The following DSCAM variants were observed in gnomAD, a reference collection of about 807,000 sequenced individuals.
DSCAM encodes cell adhesion molecule DSCAM.
DSCAM carries 47 observed loss-of-function variants against 217.7 expected under a neutral mutation model. The observed-to-expected ratio is 0.22, with a 90% CI of 0.17 to 0.28. DSCAM has a LOEUF of 0.28. Among genes scored for constraint, DSCAM ranks in the 10% least tolerant of loss-of-function variants. The pLI is 1.00. For synonymous variants in DSCAM, 1,056 were observed against 1,015.3 expected (o/e 1.04, Z -0.76); for missense variants, 2,080 against 2,618.3 (o/e 0.79, Z 4.49).
intron 1 of DSCAM, among the ~76,000 whole-genome samples, chr21:40,801,547 C>T (rs948133978): frequency 6.6e-6 from 1 of 152,124 alleles, no homozygotes. Context: ...GCCCAGAGGC[C>T]TAAGATGGCA....
rs1269746070 is a variant in DSCAM, at chr21:40,726,958, G to A, written c.44-18187C>T. 5.9e-5 allele frequency among the ~76,000 whole-genome samples: 9 copies of A among 152,218 alleles called. No homozygotes were observed. The East Asian group carries it at 1.7e-3, about 29-fold the overall frequency. ...TGGCATACCCAGCCCCCTCTTCTCT[G>A]AGTCCCCATCAGCAAAAAGACCCTC... On this transcript the variant is annotated intron_variant, in intron 1 of 32. Coordinates refer to ENST00000400454, the MANE Select transcript of DSCAM (RefSeq NM_001389.5).
At chr21:40,557,697 G>A (rs1303379778) in intron 3 of DSCAM, among the ~76,000 whole-genome samples, 1 of 152,110 alleles carries the variant, frequency 6.6e-6, no homozygotes, top group African/African-American at 2.4e-5. Context: ...TTTTTGTCAT[G>A]AGTGGAAGCA....
At chr21:40,781,944 C>A (rs1160310820) in intron 1 of DSCAM, among the ~76,000 whole-genome samples, 1 of 131,496 alleles carries the variant, frequency 7.6e-6, no homozygotes, top group Non-Finnish European at 1.5e-5. Flanking sequence ...GTCAAGAGAT[C>A]GAGACCATCC....
chr21:40,143,541 C>T (rs565506412), intron 17 of DSCAM, among the ~76,000 whole-genome samples: 41 of 152,324 alleles, frequency 2.7e-4, no homozygotes, highest in Middle Eastern at 3.4e-3. Flanking sequence ...CCTCTAATCC[C>T]AGCACTTTTG....
rs2076060771 is a variant in DSCAM, at chr21:40,489,785, A to AAAAAT, written c.509-120541_509-120540insATTTT. ...GCGAGACTCCGTCTCAAAAAAAAAA[A>AAAAAT]AAAAAAAAAAAAAAAATAAGTACCA... On this transcript the variant is annotated intron_variant, in intron 3 of 32. Transcript: ENST00000400454. Among the ~76,000 whole-genome samples, 12 of 150,162 alleles carry AAAAAT rather than the reference A, an allele frequency of 8.0e-5. 1 individual carries two copies. The highest frequency in any genetic ancestry group is 6.6e-4 in the Admixed American group (10 of 15,092).
chr21:40,784,166 A>G (rs959249146), intron 1 of DSCAM, among the ~76,000 whole-genome samples: 3 of 152,064 alleles, frequency 2.0e-5, no homozygotes, highest in African/African-American at 7.2e-5. Context: ...GTCCCCACCC[A>G]AATCTCACCT....
At chr21:40,439,232 A>C (rs2075610155) in intron 3 of DSCAM, among the ~76,000 whole-genome samples, 1 of 152,222 alleles carries the variant, frequency 6.6e-6, no homozygotes, top group South Asian at 2.1e-4. Flanking sequence ...TGCAAATAGT[A>C]CTCAATAAAT....
At chr21:40,116,977 G>A (rs2089978462) in intron 20 of DSCAM, among the ~76,000 whole-genome samples, 2 of 138,704 alleles carry the variant, frequency 1.4e-5, no homozygotes, top group Admixed American at 1.5e-4. Context: ...ACTCCAGCCT[G>A]GGTGACAGAG....
intron 3 of DSCAM, among the ~76,000 whole-genome samples, chr21:40,691,361 T>C (rs1036589550): frequency 1.3e-5 from 2 of 152,196 alleles, no homozygotes; most frequent in African/African-American, 2.4e-5. Context: ...CTATCCTAGG[T>C]CACCGAGTCC....
intron 3 of DSCAM, among the ~76,000 whole-genome samples, chr21:40,464,616 T>C (rs79989101): frequency 0.076 from 11,616 of 152,234 alleles, 879 homozygotes; most frequent in African/African-American, 0.18. Context: ...AGCCCACTTT[T>C]AAAATATATC....
intron 16 of DSCAM, among the ~76,000 whole-genome samples, chr21:40,159,117 G>A (rs764521928): frequency 5.9e-5 from 9 of 152,100 alleles, no homozygotes; most frequent in African/African-American, 1.9e-4. Context: ...AACCAACTTC[G>A]TCCAGCCGAG....
intron 8 of DSCAM, among the ~76,000 whole-genome samples, chr21:40,330,065 AT>A (rs1569066809): frequency 6.6e-6 from 1 of 152,020 alleles, no homozygotes. Context: ...CCTATATGTT[AT>A]TTGATCAGAT....
intron 3 of DSCAM, among the ~76,000 whole-genome samples, chr21:40,682,645 A>G (rs2090417453): frequency 1.8e-5 from 1 of 56,554 alleles, no homozygotes; most frequent in Non-Finnish European, 3.7e-5. Context: ...AAGAAAGAGG[A>G]AGGGAAGGGA....
chr21:40,305,596 C>A (rs895041748), intron 9 of DSCAM, among the ~76,000 whole-genome samples: 1 of 152,028 alleles, frequency 6.6e-6, no homozygotes, highest in African/African-American at 2.4e-5. Flanking sequence ...AGTCTTTAAT[C>A]CATCTTGAAT....
intron 3 of DSCAM, among the ~76,000 whole-genome samples, chr21:40,480,674 AG>A (rs1350308233): frequency 1.3e-5 from 2 of 152,316 alleles, no homozygotes; most frequent in East Asian, 3.9e-4. Context: ...TGTGAATGTA[AG>A]GCCTCGTGCT....
At chr21:40,032,588 C>A (rs77740720) in intron 32 of DSCAM, among the ~76,000 whole-genome samples, 1 of 152,046 alleles carries the variant, frequency 6.6e-6, no homozygotes, top group Non-Finnish European at 1.5e-5. Context: ...AAGAGAGATT[C>A]TTTTACTAGT....
At chr21:40,790,740 A>G (rs548623433) in intron 1 of DSCAM, among the ~76,000 whole-genome samples, 117 of 152,382 alleles carry the variant, frequency 7.7e-4, no homozygotes, top group African/African-American at 2.6e-3. Flanking sequence ...TATAGCATAC[A>G]GCACAAAAAA....
At chr21:40,617,191 T>C (rs1186971043) in intron 3 of DSCAM, among the ~76,000 whole-genome samples, 2 of 135,832 alleles carry the variant, frequency 1.5e-5, no homozygotes. Context: ...TGGTGCAATC[T>C]CGGCTCACTG....
intron 3 of DSCAM, among the ~76,000 whole-genome samples, chr21:40,531,736 A>G (rs977445093): frequency 5.3e-5 from 8 of 152,180 alleles, no homozygotes; most frequent in African/African-American, 1.9e-4. Context: ...TCAAAACACA[A>G]ATCTTGTCAT....
Sources: gnomAD v4.1 joint callset for allele counts (sites outside exome capture counted in the v4.1 genomes callset) on GRCh38, gnomAD v4.1.1 for gene constraint, MANE v1.5 for transcripts, NCBI Gene and HGNC (gene_info 2026-07-23, HGNC 2026-07-21) for gene names.